IL1RAPL1: variants seen among roughly 807,000 people sequenced by gnomAD.
IL1RAPL1 encodes interleukin-1 receptor accessory protein-like 1.
A neutral mutation model predicts 48.4 loss-of-function variants in IL1RAPL1; 3 were observed. The observed-to-expected ratio is 0.06, with a 90% CI of 0.03 to 0.16. The LOEUF is 0.16. Ranked by LOEUF, IL1RAPL1 falls within the 10% of genes least tolerant of loss-of-function variation. The probability of loss-of-function intolerance (pLI) is 1.00; values close to 1 mark genes in which losing one functional copy is unlikely to be tolerated. For missense variants in IL1RAPL1, 349 were observed against 530.6 expected (o/e 0.66, Z 3.36); for synonymous variants, 185 against 187.7 (o/e 0.99, Z 0.12).
chrX:29,184,137 T>A (rs1235071891), intron 2 of IL1RAPL1, among the ~76,000 whole-genome samples: 1 of 112,321 alleles, frequency 8.9e-6, no homozygotes, highest in Non-Finnish European at 1.9e-5. Context: ...TATTATAAAA[T>A]ATACACATAT....
chrX:29,428,863 C>T (rs1934381296), intron 5 of IL1RAPL1, among the ~76,000 whole-genome samples: 1 of 111,577 alleles, frequency 9.0e-6, no homozygotes, highest in Admixed American at 9.6e-5. Flanking sequence ...CCACTCATAC[C>T]CCTTACCATC....
At chrX:29,206,590 G>T (rs781296090) in intron 2 of IL1RAPL1, among the ~76,000 whole-genome samples, 1 of 111,800 alleles carries the variant, frequency 8.9e-6, no homozygotes, top group South Asian at 3.7e-4. Flanking sequence ...AATAATAGTT[G>T]TAGTAATTAT....
chrX:29,882,733 A>G (rs1292009206), intron 6 of IL1RAPL1, among the ~76,000 whole-genome samples: 1 of 112,154 alleles, frequency 8.9e-6, no homozygotes, highest in East Asian at 2.8e-4. Flanking sequence ...AATGCTTAAC[A>G]CAGTTCTAAA....
chrX:29,184,899 G>A (rs1930221133), intron 2 of IL1RAPL1, among the ~76,000 whole-genome samples: 1 of 112,210 alleles, frequency 8.9e-6, no homozygotes, highest in Admixed American at 9.5e-5. Context: ...ATGTTCTCAA[G>A]TCAAAACAAA....
intron 6 of IL1RAPL1, among the ~76,000 whole-genome samples, chrX:29,703,622 C>T (rs935750851): frequency 8.9e-6 from 1 of 111,746 alleles, no homozygotes; most frequent in Non-Finnish European, 1.9e-5. Flanking sequence ...GGATTACAGG[C>T]GTGAGCCACC....
chrX:28,767,173 C>T (rs749144286), intron 1 of IL1RAPL1, among the ~76,000 whole-genome samples: 60 of 111,384 alleles, frequency 5.4e-4, no homozygotes, highest in African/African-American at 1.9e-3. Flanking sequence ...TAAAGGGTCC[C>T]CTTTTCTCCA....
At chrX:28,977,432 G>T (rs947485107) in intron 2 of IL1RAPL1, among the ~76,000 whole-genome samples, 1 of 111,397 alleles carries the variant, frequency 9.0e-6, no homozygotes, top group Non-Finnish European at 1.9e-5. Context: ...GATCTCATAA[G>T]AACTCACTCA....
intron 2 of IL1RAPL1, among the ~76,000 whole-genome samples, chrX:28,998,680 T>C (rs774569412): frequency 8.9e-6 from 1 of 112,209 alleles, no homozygotes; most frequent in South Asian, 3.7e-4. Context: ...AATATTTATC[T>C]GAACAGATAC....
chrX:28,848,544 AT>A (rs1003471437), intron 2 of IL1RAPL1, among the ~76,000 whole-genome samples: 1 of 109,556 alleles, frequency 9.1e-6, no homozygotes, highest in African/African-American at 3.3e-5. Flanking sequence ...TTATCATTTT[AT>A]TTTTTCCCTC....
At chrX:29,345,028 T>G (rs181740339) in intron 3 of IL1RAPL1, among the ~76,000 whole-genome samples, 72 of 112,768 alleles carry the variant, frequency 6.4e-4, no homozygotes, top group Middle Eastern at 4.6e-3. Flanking sequence ...ACTGACAGAG[T>G]ATTTCACGCT....
Position 29,892,950 on chromosome X carries a change from A to T in IL1RAPL1, c.779-24514A>T, listed in dbSNP as rs142588383. 7.8e-3 allele frequency among the ~76,000 whole-genome samples: 871 copies of T among 112,078 alleles called. 12 individuals are homozygous for T. Among genetic ancestry groups the T allele is most frequent in the African/African-American group, 0.027 (826 of 30,892 alleles). On this transcript the variant is annotated intron_variant, in intron 6 of 10. Transcript: ENST00000378993. Reference sequence around the variant, plus strand: ...GAAACATTGGGTATGTGGAAATATAACATGATGGTGCTAACAGTCATTATG... The same window carrying T: ...GAAACATTGGGTATGTGGAAATATATCATGATGGTGCTAACAGTCATTATG...
At chrX:29,812,920 A>G (rs1177479106) in intron 6 of IL1RAPL1, among the ~76,000 whole-genome samples, 1 of 111,693 alleles carries the variant, frequency 9.0e-6, no homozygotes, top group Non-Finnish European at 1.9e-5. Flanking sequence ...CAAAGCATAA[A>G]TATGGCTTTA....
chrX:29,009,773 T>G (rs1200449208), intron 2 of IL1RAPL1, among the ~76,000 whole-genome samples: 2 of 112,220 alleles, frequency 1.8e-5, no homozygotes, highest in Non-Finnish European at 3.8e-5. Flanking sequence ...CTGGAATAGT[T>G]TTTTCTCATT....
At chrX:29,639,590 G>C (rs1435176894) in intron 5 of IL1RAPL1, among the ~76,000 whole-genome samples, 1 of 98,726 alleles carries the variant, frequency 1.0e-5, no homozygotes, top group Non-Finnish European at 2.0e-5. Context: ...CACAATCTGT[G>C]CATGGCTTTG....
chrX:29,797,805 G>A (rs184735515), intron 6 of IL1RAPL1, among the ~76,000 whole-genome samples: 5 of 111,600 alleles, frequency 4.5e-5, no homozygotes, highest in African/African-American at 9.8e-5. Context: ...CCTGGGAAGC[G>A]GAGGTTGTGG....
intron 2 of IL1RAPL1, among the ~76,000 whole-genome samples, chrX:28,821,365 TG>T (rs1233326318): frequency 2.7e-5 from 3 of 110,987 alleles, no homozygotes; most frequent in African/African-American, 9.8e-5. Context: ...CAAAGGTTCT[TG>T]GGATTAGGAT....
intron 6 of IL1RAPL1, among the ~76,000 whole-genome samples, chrX:29,774,571 T>C (rs1929145141): frequency 8.9e-6 from 1 of 112,424 alleles, no homozygotes; most frequent in Admixed American, 9.4e-5. Context: ...TTAAATAATA[T>C]TTCAGTGAAT....
chrX:29,310,112 AAAAAAAAAAAAAAAAAAGAAAG>A (rs1932694178), intron 3 of IL1RAPL1, among the ~76,000 whole-genome samples: 1 of 86,083 alleles, frequency 1.2e-5, no homozygotes, highest in Non-Finnish European at 2.2e-5. Flanking sequence ...AAAAAAAAAA[AAAAAAAAAAAAAAAAAAGAAAG>A]GAAAAAAAAA....
At chrX:29,710,611 T>A (rs1487898899) in intron 6 of IL1RAPL1, among the ~76,000 whole-genome samples, 1 of 105,719 alleles carries the variant, frequency 9.5e-6, no homozygotes, top group Non-Finnish European at 1.9e-5. Flanking sequence ...TGTGTGTATA[T>A]ATATATATAT....
Sources: allele counts gnomAD v4.1 joint callset (sites outside exome capture counted in the v4.1 genomes callset), GRCh38; gene constraint gnomAD v4.1.1; transcripts MANE v1.5; gene names NCBI Gene and HGNC (gene_info 2026-07-23, HGNC 2026-07-21).